Variants in DNAH3 observed in about 807,000 individuals in gnomAD.
DNAH3 encodes the protein axonemal beta dynein heavy chain 3.
Under a neutral mutation model 432.5 loss-of-function variants are expected in DNAH3, and 332 were observed. The ratio of observed to expected loss-of-function variants is 0.77; its 90% CI spans 0.70 to 0.84. The LOEUF is 0.84. Ranked by LOEUF, DNAH3 falls within the 40% of genes least tolerant of loss-of-function variation. DNAH3 has a pLI of 0.00. For synonymous variants in DNAH3, 1,956 were observed against 1,900.2 expected (o/e 1.03, Z -0.76); for missense variants, 4,861 against 5,114.0 (o/e 0.95, Z 1.51).
chr16:21,084,135 T>C (rs1407717887), intron 19 of DNAH3, among the ~76,000 whole-genome samples: 2 of 151,974 alleles, frequency 1.3e-5, no homozygotes, highest in African/African-American at 4.8e-5. Flanking sequence ...AATTCATCTC[T>C]CCAAGTCTCA....
intron 42 of DNAH3, among the ~76,000 whole-genome samples, chr16:21,002,135 G>A (rs1182790220): frequency 1.3e-5 from 2 of 152,004 alleles, no homozygotes; most frequent in African/African-American, 4.8e-5. Flanking sequence ...TGTCTGACTT[G>A]GTTGTCAATA....
At chr16:20,944,950 T>C (rs909265063) in intron 57 of DNAH3, among the ~76,000 whole-genome samples, 1 of 152,146 alleles carries the variant, frequency 6.6e-6, no homozygotes, top group Admixed American at 6.5e-5. Context: ...AGAACTGAGT[T>C]TGGATCCTAG....
intron 44 of DNAH3, among the ~76,000 whole-genome samples, chr16:20,988,408 G>A (rs988134065): frequency 1.3e-5 from 2 of 152,086 alleles, no homozygotes; most frequent in African/African-American, 4.8e-5. Context: ...ATCATATCAT[G>A]TTGTATTATA....
chr16:21,002,302 G>A (rs1026783874), intron 42 of DNAH3, among the ~76,000 whole-genome samples: 1 of 152,064 alleles, frequency 6.6e-6, no homozygotes, highest in Non-Finnish European at 1.5e-5. Context: ...GGAGTTGTAG[G>A]TGTATCATTT....
At chr16:21,153,666 A>G (rs1040461868) in intron 1 of DNAH3, among the ~76,000 whole-genome samples, 6 of 152,174 alleles carry the variant, frequency 3.9e-5, no homozygotes, top group Admixed American at 2.6e-4. Flanking sequence ...CTCCTGCGCC[A>G]GCGAGACCAG....
intron 21 of DNAH3, among the ~76,000 whole-genome samples, chr16:21,071,249 C>T (rs1208731614): frequency 6.6e-6 from 1 of 152,132 alleles, no homozygotes; most frequent in Non-Finnish European, 1.5e-5. Context: ...ACTACATTGG[C>T]CAGGCTGCTC....
chr16:21,091,672 C>T (rs372255804), intron 18 of DNAH3, among the ~76,000 whole-genome samples: 7 of 152,004 alleles, frequency 4.6e-5, no homozygotes, highest in African/African-American at 1.7e-4. Context: ...AAAAATTAGC[C>T]GGGTGTGGTG....
chr16:21,051,870 T>C lies in DNAH3; in HGVS notation c.4040-2A>G, dbSNP rs1394069991. The C allele has an allele frequency of 6.2e-7, 1 of 1,614,042 alleles. No homozygotes were observed. Among genetic ancestry groups the C allele is most frequent in the African/African-American group, 1.3e-5 (1 of 74,926 alleles). ...ATAACTTGGCCACCACGTCGCGGGC[T>C]GTTGGGACACAGATGCAGAAACACG... On this transcript the variant is annotated splice_acceptor_variant, in intron 28 of 61. Coordinates refer to ENST00000261383, the Ensembl canonical transcript of DNAH3. LOFTEE classifies it high-confidence loss of function.
At chr16:21,038,409 C>A (rs1446756746) in intron 33 of DNAH3, among the ~76,000 whole-genome samples, 1 of 152,022 alleles carries the variant, frequency 6.6e-6, no homozygotes, top group Non-Finnish European at 1.5e-5. Flanking sequence ...CCCAGCTACT[C>A]GGAAGGCTAA....
chr16:21,023,503 G>T (rs889712520), intron 39 of DNAH3, among the ~76,000 whole-genome samples: 1 of 152,150 alleles, frequency 6.6e-6, no homozygotes, highest in Non-Finnish European at 1.5e-5. Context: ...TGCATGATGA[G>T]GGTGGAGCCA....
At chr16:21,119,682 C>T (rs928448005) in intron 11 of DNAH3, among the ~76,000 whole-genome samples, 13 of 151,372 alleles carry the variant, frequency 8.6e-5, no homozygotes, top group African/African-American at 2.7e-4. Context: ...CTGTAACCTC[C>T]GCCTCCTGGG....
intron 9 of DNAH3, among the ~76,000 whole-genome samples, chr16:21,123,639 T>A (rs912332895): frequency 6.6e-6 from 1 of 152,198 alleles, no homozygotes; most frequent in Non-Finnish European, 1.5e-5. Flanking sequence ...AACTTAACCT[T>A]TTATAACCAG....
chr16:21,115,692 G>C (rs758215916), intron 12 of DNAH3, among the ~76,000 whole-genome samples: 7 of 150,202 alleles, frequency 4.7e-5, no homozygotes, highest in Non-Finnish European at 8.8e-5. Flanking sequence ...GGGTGACAGA[G>C]CGAGATGCCA....
At chr16:21,013,760 G>C (rs1310405624) in intron 41 of DNAH3, among the ~76,000 whole-genome samples, 1 of 150,212 alleles carries the variant, frequency 6.7e-6, no homozygotes, top group Non-Finnish European at 1.5e-5. Flanking sequence ...TGAAAGACAG[G>C]CCATCAGTAC....
chr16:20,964,036 G>A, exon 53 of DNAH3: 1 of 1,614,168 alleles, frequency 6.2e-7, no homozygotes, highest in Non-Finnish European at 8.5e-7. Context: ...CTGCGTTTCT[G>A]TCATGGAAGC....
chr16:21,099,286 ATG>A (rs2091775954), intron 16 of DNAH3, among the ~76,000 whole-genome samples: 1 of 152,116 alleles, frequency 6.6e-6, no homozygotes, highest in Admixed American at 6.6e-5. Flanking sequence ...AGATGGATGG[ATG>A]GATGAATGGA....
At chr16:21,068,923 T>C (rs898748293) in intron 23 of DNAH3, among the ~76,000 whole-genome samples, 4 of 152,104 alleles carry the variant, frequency 2.6e-5, no homozygotes, top group African/African-American at 9.7e-5. Flanking sequence ...TATTTGCTTT[T>C]TTTTTTTTTA....
At chr16:21,058,916 G>A (rs753724000) in intron 26 of DNAH3, among the ~76,000 whole-genome samples, 36 of 152,268 alleles carry the variant, frequency 2.4e-4, no homozygotes, top group Non-Finnish European at 4.1e-4. Context: ...ACGATGGGTT[G>A]ATAGGTGCAG....
At chr16:21,029,202 C>T (rs1388749486) in intron 37 of DNAH3, among the ~76,000 whole-genome samples, 1 of 152,100 alleles carries the variant, frequency 6.6e-6, no homozygotes, top group African/African-American at 2.4e-5. Context: ...TAAAACATTT[C>T]CATTTTTGAA....
Sources: allele counts gnomAD v4.1 joint callset (sites outside exome capture counted in the v4.1 genomes callset), GRCh38; gene constraint gnomAD v4.1.1; transcripts MANE v1.5; gene names NCBI Gene and HGNC (gene_info 2026-07-23, HGNC 2026-07-21).